NOL4: variants seen among roughly 807,000 people sequenced by gnomAD.
NOL4 encodes cancer/testis antigen 125.
NOL4 carries 17 observed loss-of-function variants against 75.9 expected under a neutral mutation model. That is an observed-to-expected ratio of 0.22 (90% CI 0.15 to 0.34). The LOEUF (loss-of-function observed/expected upper bound fraction) is 0.34. Among genes scored for constraint, NOL4 ranks in the 10% least tolerant of loss-of-function variants. NOL4 has a pLI of 1.00. For synonymous variants in NOL4, 292 were observed against 289.9 expected (o/e 1.01, Z -0.07); for missense variants, 614 against 793.5 (o/e 0.77, Z 2.72).
At chr18:34,146,554 C>T (rs1319644412) in intron 1 of NOL4, among the ~76,000 whole-genome samples, 3 of 152,086 alleles carry the variant, frequency 2.0e-5, no homozygotes, top group Admixed American at 6.6e-5. Context: ...GGCGTTATTT[C>T]TGAGGCCTCT....
At chr18:34,027,223 G>A (rs1315041274) in intron 5 of NOL4, among the ~76,000 whole-genome samples, 1 of 152,164 alleles carries the variant, frequency 6.6e-6, no homozygotes. Context: ...TGAGAGAAAG[G>A]TGATGATGAC....
intron 4 of NOL4, among the ~76,000 whole-genome samples, chr18:34,101,254 A>G (rs1312360845): frequency 6.6e-6 from 1 of 152,236 alleles, no homozygotes; most frequent in East Asian, 1.9e-4. Flanking sequence ...AACTCTTGCC[A>G]GTAGGGCAGC....
intron 1 of NOL4, among the ~76,000 whole-genome samples, chr18:34,185,883 A>G (rs2034425828): frequency 6.6e-6 from 1 of 152,248 alleles, no homozygotes; most frequent in Non-Finnish European, 1.5e-5. Context: ...TGTAATAACT[A>G]GAACATACAT....
At chr18:34,008,213 C>T (rs1186281077) in intron 6 of NOL4, among the ~76,000 whole-genome samples, 2 of 151,962 alleles carry the variant, frequency 1.3e-5, no homozygotes, top group East Asian at 3.9e-4. Context: ...CTGGGACTTA[C>T]ACCATTGGCT....
chr18:34,151,938 A>G (rs2081658717), intron 1 of NOL4, among the ~76,000 whole-genome samples: 1 of 151,858 alleles, frequency 6.6e-6, no homozygotes, highest in Non-Finnish European at 1.5e-5. Flanking sequence ...GAGGAAAGTT[A>G]TTCTAGTGGA....
chr18:34,071,950 G>A (rs2077537119), intron 5 of NOL4, among the ~76,000 whole-genome samples: 1 of 152,056 alleles, frequency 6.6e-6, no homozygotes, highest in Admixed American at 6.6e-5. Context: ...AAAATGAAAG[G>A]GGCCAGGCGC....
chr18:34,054,681 G>A (rs1188322581), intron 5 of NOL4, among the ~76,000 whole-genome samples: 1 of 151,640 alleles, frequency 6.6e-6, no homozygotes, highest in Non-Finnish European at 1.5e-5. Context: ...TTTGATCAGG[G>A]AGTTTAATCC....
chr18:34,013,803 G>C (rs1008327629), intron 6 of NOL4, among the ~76,000 whole-genome samples: 3 of 151,860 alleles, frequency 2.0e-5, no homozygotes, highest in African/African-American at 7.2e-5. Context: ...TAATGATAGA[G>C]ACTCTTTTTT....
At chr18:33,970,294 G>A (rs2070949001) in intron 6 of NOL4, among the ~76,000 whole-genome samples, 1 of 152,120 alleles carries the variant, frequency 6.6e-6, no homozygotes, top group Admixed American at 6.5e-5. Flanking sequence ...CAACAAAACA[G>A]TATATATGAC....
At chr18:34,219,438 C>T (rs189984326) in intron 1 of NOL4, among the ~76,000 whole-genome samples, 5 of 152,292 alleles carry the variant, frequency 3.3e-5, no homozygotes, top group African/African-American at 1.2e-4. Context: ...TCTAAGTTTA[C>T]CATTCACAAT....
chr18:34,081,034 G>T (rs1216013294), intron 5 of NOL4, among the ~76,000 whole-genome samples: 1 of 152,102 alleles, frequency 6.6e-6, no homozygotes, highest in Non-Finnish European at 1.5e-5. Flanking sequence ...GAAATTAGAA[G>T]ATGGCCCTTT....
chr18:33,962,240 T>C (rs2070198031), intron 6 of NOL4, among the ~76,000 whole-genome samples: 1 of 152,176 alleles, frequency 6.6e-6, no homozygotes, highest in Non-Finnish European at 1.5e-5. Context: ...ACCCACATGC[T>C]TTTAAATTTT....
chr18:33,914,846 A>C (rs565085905), intron 9 of NOL4, among the ~76,000 whole-genome samples: 1 of 152,244 alleles, frequency 6.6e-6, no homozygotes, highest in African/African-American at 2.4e-5. Context: ...ACATCCATCC[A>C]AGAGTACATG....
At chr18:33,895,264 T>C (rs1326071177) in intron 9 of NOL4, among the ~76,000 whole-genome samples, 2 of 152,068 alleles carry the variant, frequency 1.3e-5, no homozygotes. Context: ...AAGAAGTAAC[T>C]AGATGCAATG....
chr18:34,001,310 C>T (rs965005567), intron 6 of NOL4, among the ~76,000 whole-genome samples: 1 of 152,126 alleles, frequency 6.6e-6, no homozygotes, highest in Non-Finnish European at 1.5e-5. Context: ...ACTACATTTC[C>T]TAATCACGGA....
At chr18:34,183,299 C>T (rs570970718) in intron 1 of NOL4, among the ~76,000 whole-genome samples, 6 of 151,884 alleles carry the variant, frequency 4.0e-5, no homozygotes, top group Admixed American at 2.0e-4. Context: ...AAAAGGTGTT[C>T]AATAGCCCTA....
At chr18:33,867,245 A>G (rs1024066861) in intron 10 of NOL4, among the ~76,000 whole-genome samples, 1 of 152,050 alleles carries the variant, frequency 6.6e-6, no homozygotes, top group African/African-American at 2.4e-5. Flanking sequence ...GTGCTGCATA[A>G]TTTTTGTCTG....
At chr18:33,877,734 C>A (rs2064013244) in intron 10 of NOL4, among the ~76,000 whole-genome samples, 1 of 151,854 alleles carries the variant, frequency 6.6e-6, no homozygotes, top group Non-Finnish European at 1.5e-5. Context: ...CACTTATATG[C>A]CTGCATACCT....
intron 6 of NOL4, among the ~76,000 whole-genome samples, chr18:33,978,848 T>C (rs2071715419): frequency 6.6e-6 from 1 of 151,932 alleles, no homozygotes; most frequent in Non-Finnish European, 1.5e-5. Context: ...TAATTTTAAG[T>C]TTTTTAAAAA....
Sources: gnomAD v4.1 joint callset for allele counts (sites outside exome capture counted in the v4.1 genomes callset) on GRCh38, gnomAD v4.1.1 for gene constraint, MANE v1.5 for transcripts, NCBI Gene and HGNC (gene_info 2026-07-23, HGNC 2026-07-21) for gene names.